BCORL1: variants seen among roughly 807,000 people sequenced by gnomAD.
BCORL1 encodes the protein BCL6 corepressor like 1.
A neutral mutation model predicts 87.6 loss-of-function variants in BCORL1; 7 were observed. The observed-to-expected ratio is 0.08, with a 90% CI of 0.05 to 0.15. The LOEUF is 0.15. Among genes scored for constraint, BCORL1 ranks in the 10% least tolerant of loss-of-function variants. The probability of loss-of-function intolerance (pLI) is 1.00; values close to 1 mark genes in which losing one functional copy is unlikely to be tolerated. For missense variants in BCORL1, 1,215 were observed against 1,499.7 expected, an observed-to-expected ratio of 0.81 and a Z score of 3.13; for synonymous variants, 591 against 634.4, an observed-to-expected ratio of 0.93 and a Z score of 1.03.
At chrX:130,037,023 G>A (rs1930990809) in intron 9 of BCORL1, among the ~76,000 whole-genome samples, 1 of 111,020 alleles carries the variant, frequency 9.0e-6, no homozygotes, top group Admixed American at 9.5e-5. Flanking sequence ...GCGTGCGCCT[G>A]TAGCTCCAGC....
chrX:130,013,225 G>C lies in BCORL1; in HGVS notation c.453G>C (p.Gln151His). The stretch of plus-strand genomic sequence containing the variant: ...CACTCAACACCCAAATGAGCAAACA[G>C]GTTGACTGCTCACCCGCCGGAGTAA... The part of the protein sequence containing the change: ...WTPLNTQMSK[Q>H]VDCSPAGVKA... Residue 151 changes from glutamine (Q) to histidine (H), a missense_variant, in exon 4 of 14, where the codon CAG (glutamine) becomes CAC (histidine). Gln to His is a conservative substitution (Grantham distance 24). Coordinates refer to ENST00000540052, the MANE Select transcript of BCORL1 (RefSeq NM_001379451.1). 8.3e-7 allele frequency: 1 copy of C among 1,212,077 alleles called. No homozygotes were observed. The highest frequency in any genetic ancestry group is 1.1e-6 in the Non-Finnish European group (1 of 895,568).
At position 130,055,926 on chromosome X, in the gene BCORL1, G is replaced by C. The variant is rs558683387; in HGVS notation, c.5148G>C (p.Arg1716=). The C allele has an allele frequency of 2.0e-5, 24 of 1,210,904 alleles. No individual in the cohort carries two copies. In the South Asian group the frequency reaches 3.3e-4, roughly 17 times the overall value. Residue 1716 remains arginine (R), a synonymous_variant, in exon 14 of 14, where the codon CGG becomes CGC. Transcript: ENST00000540052. ...LKLSSRIFQA[R]FPHFEITTMP... The stretch of plus-strand genomic sequence containing the variant: ...TTTCCTCGAGGATCTTTCAGGCCCG[G>C]TTCCCGCACTTTGAAATCACCACCA...
Position 130,015,955 on chromosome X carries a change from T to C in BCORL1, c.3183T>C (p.Asn1061=), listed in dbSNP as rs146199680. The C allele has an allele frequency of 3.0e-4, 359 of 1,209,967 alleles. No homozygotes were observed. The African/African-American group carries it at 5.4e-3, about 18-fold the overall frequency. The change falls in exon 4 of 14, where the codon AAT becomes AAC. Residue 1061 remains asparagine, a synonymous_variant. Coordinates refer to ENST00000540052, the MANE Select transcript of BCORL1 (RefSeq NM_001379451.1). The part of the protein sequence containing the change: ...MEKVDGDVVF[N]LATCFRADGL... ...AGGTGGATGGTGATGTGGTCTTCAATTTAGCCACCTGCTTCCGGGCTGATG... is the reference window on the plus strand; with the variant it reads ...AGGTGGATGGTGATGTGGTCTTCAACTTAGCCACCTGCTTCCGGGCTGATG...
chrX:130,016,152 G>A lies in BCORL1; in HGVS notation c.3380G>A (p.Ser1127Asn), dbSNP rs780273333. The A allele has an allele frequency of 2.5e-6, 3 of 1,209,033 alleles. No individual in the cohort carries two copies. Among genetic ancestry groups the A allele is most frequent in the South Asian group, 3.5e-5 (2 of 56,765 alleles). ...ATGAAGTGCGGCAAAGAGAAGGACA[G>A]TGAAGAGCAGCAGCTCCAGCCACAA... is the stretch of plus-strand genomic sequence containing the variant. ...KKMKCGKEKD[S>N]EEQQLQPQAK... Residue 1127 changes from serine (S) to asparagine (N), a missense_variant, in exon 4 of 14, where the codon AGT becomes AAT. By Grantham distance (46) the Ser-to-Asn change is conservative (BLOSUM62 1). This residue lies in a region of BCORL1 where 861 missense variants were observed against 1,010.0 expected (regional missense o/e 0.85). Transcript: ENST00000540052.
intron 11 of BCORL1, among the ~76,000 whole-genome samples, chrX:130,049,154 G>A: frequency 8.9e-6 from 1 of 112,058 alleles, no homozygotes; most frequent in Non-Finnish European, 1.9e-5. Context: ...GTTCTTTTGG[G>A]TATATAGCAG....
At chrX:129,992,796 G>A (rs1444186653) in intron 1 of BCORL1, among the ~76,000 whole-genome samples, 1 of 111,251 alleles carries the variant, frequency 9.0e-6, no homozygotes, top group African/African-American at 3.3e-5. Flanking sequence ...GGGCTTAAGT[G>A]ATCTGTCTGC....
At chrX:130,026,063 C>T (rs1930229448) in intron 7 of BCORL1, among the ~76,000 whole-genome samples, 1 of 111,662 alleles carries the variant, frequency 9.0e-6, no homozygotes, top group Non-Finnish European at 1.9e-5. Flanking sequence ...TCACAAGATG[C>T]TAATATCAGT....
At chrX:130,009,339 C>T (rs1928774868) in intron 2 of BCORL1, among the ~76,000 whole-genome samples, 1 of 110,854 alleles carries the variant, frequency 9.0e-6, no homozygotes, top group African/African-American at 3.3e-5. Context: ...GTGGCGCATG[C>T]CTGTAATCCC....
intron 8 of BCORL1, among the ~76,000 whole-genome samples, chrX:130,029,760 C>T (rs915205613): frequency 8.2e-5 from 9 of 109,147 alleles, no homozygotes; most frequent in Non-Finnish European, 1.5e-4. Context: ...AAGCGATTCT[C>T]GTGCCTCAGC....
At chrX:130,039,040 G>A in intron 10 of BCORL1, 97 bp from the exon 11 acceptor site, 1 of 995,331 alleles carries the variant, frequency 1.0e-6, no homozygotes, top group Non-Finnish European at 1.4e-6. Flanking sequence ...TTACCTGGGG[G>A]TCAGCTCAGT....
chrX:130,041,467 G>A (rs1649272616), intron 11 of BCORL1, among the ~76,000 whole-genome samples: 1 of 111,099 alleles, frequency 9.0e-6, no homozygotes, highest in South Asian at 3.8e-4. Context: ...CTGAGTAGCT[G>A]GGATTACAGG....
In BCORL1 at chrX:130,010,989, G is replaced by A. The variant is rs1335205516; in HGVS notation, c.87-1589G>A. 5.7e-5 allele frequency among the ~76,000 whole-genome samples: 4 copies of A among 70,313 alleles called. No individual in the cohort carries two copies. The East Asian group carries it at 2.2e-3, about 38-fold the overall frequency. 61.1% of individuals were successfully genotyped at this position (70,313 alleles called of 115,157 possible). On this transcript the variant is annotated intron_variant, in intron 2 of 13. Transcript: ENST00000540052. ...ACTGCACTCCAGCCTGGGTGACAGA[G>A]CGAGATTCAATCTAAAAAAAAAAAA... is the stretch of plus-strand genomic sequence containing the variant.
chrX:130,016,041 G>C lies in BCORL1; in HGVS notation c.3269G>C (p.Arg1090Pro), dbSNP rs758108856. The C allele has an allele frequency of 9.0e-5, 109 of 1,209,862 alleles. No homozygotes were observed. The South Asian group carries it at 1.7e-3, about 19-fold the overall frequency. The change falls in exon 4 of 14, where the codon CGA becomes CCA. Residue 1090 changes from arginine (R) to proline (P), a missense_variant. Physicochemically the swap from Arg to Pro is moderately radical, Grantham distance 103 (BLOSUM62 -2). Transcript: ENST00000540052. ...AEVRAKAGQA[R>P]VKQESVGVFA... ...GTTCGGGCTAAGGCCGGGCAGGCTCGAGTGAAACAGGAAAGCGTAGGGGTC... is the reference window on the plus strand; with the variant it reads ...GTTCGGGCTAAGGCCGGGCAGGCTCCAGTGAAACAGGAAAGCGTAGGGGTC...
At chrX:129,995,952 G>A (rs1328335893) in intron 1 of BCORL1, among the ~76,000 whole-genome samples, 1 of 111,480 alleles carries the variant, frequency 9.0e-6, no homozygotes. Context: ...ATTTTCCTAT[G>A]GAAAACAATG....
intron 1 of BCORL1, among the ~76,000 whole-genome samples, chrX:129,991,768 C>T (rs1465484346): frequency 9.9e-6 from 1 of 100,745 alleles, no homozygotes; most frequent in Non-Finnish European, 2.0e-5. Flanking sequence ...AGCAATTCTC[C>T]TGCCTCAGCC....
In BCORL1 at chrX:130,018,481, G is replaced by T. The variant is rs141800624; in HGVS notation, c.3441+2268G>T. Among the ~76,000 whole-genome samples the T allele has an allele frequency of 9.0e-3, 1,016 of 112,591 alleles. 8 individuals are homozygous for T. The highest frequency in any genetic ancestry group is 0.03 in the African/African-American group (943 of 30,990). ...ATTGCATGGTATGTCTTAATAAATT[G>T]TATCTCAGTAAAGCTGTCATTTTAA... On this transcript the variant is annotated intron_variant, in intron 4 of 13. Transcript: ENST00000540052.
intron 13 of BCORL1, among the ~76,000 whole-genome samples, chrX:130,055,535 C>G (rs1219382229): frequency 2.7e-5 from 3 of 112,625 alleles, no homozygotes; most frequent in African/African-American, 6.4e-5. Context: ...CCCCAAGAAG[C>G]CTGCTAAGAG....
intron 1 of BCORL1, among the ~76,000 whole-genome samples, chrX:130,001,176 C>T (rs1037054186): frequency 1.3e-4 from 14 of 111,280 alleles, no homozygotes; most frequent in East Asian, 1.1e-3. Context: ...CCTCAACCTC[C>T]GCCTCCCAGG....
At chrX:129,989,440 CCGT>C (rs1926903578) in intron 1 of BCORL1, among the ~76,000 whole-genome samples, 1 of 84,672 alleles carries the variant, frequency 1.2e-5, no homozygotes, top group Non-Finnish European at 2.2e-5. Context: ...GCCACCGCAC[CCGT>C]CTTTTTTTTT....
Sources: gnomAD v4.1 joint callset for allele counts (sites outside exome capture counted in the v4.1 genomes callset) on GRCh38, gnomAD v4.1.1 for gene constraint, gnomAD v4.1.1 regional missense constraint, MANE v1.5 for transcripts, NCBI Gene and HGNC (gene_info 2026-07-23, HGNC 2026-07-21) for gene names.